MYO18B: variants seen among roughly 807,000 people sequenced by gnomAD.
MYO18B encodes unconventional myosin-XVIIIb.
A neutral mutation model predicts 273.0 loss-of-function variants in MYO18B; 204 were observed. That is an observed-to-expected ratio of 0.75 (90% CI 0.67 to 0.84). The LOEUF is 0.84. Among genes scored for constraint, MYO18B ranks in the 40% least tolerant of loss-of-function variants. MYO18B has a pLI of 0.00. For synonymous variants in MYO18B, 1,330 were observed against 1,305.7 expected (o/e 1.02, Z -0.40); for missense variants, 3,212 against 3,287.6 (o/e 0.98, Z 0.56).
intron 6 of MYO18B, among the ~76,000 whole-genome samples, chr22:25,771,689 A>G (rs1172992247): frequency 6.6e-6 from 1 of 152,196 alleles, no homozygotes; most frequent in Non-Finnish European, 1.5e-5. Flanking sequence ...GCCTTGCAAG[A>G]AAGGCTGATC....
intron 9 of MYO18B, among the ~76,000 whole-genome samples, chr22:25,781,313 G>A (rs144611922): frequency 5.9e-5 from 9 of 152,256 alleles, no homozygotes; most frequent in African/African-American, 2.2e-4. Flanking sequence ...ATGTTGTCTC[G>A]AAGAGTGGAT....
chr22:26,050,440 G>T, the MYO18B span, among the ~76,000 whole-genome samples: 3 of 152,302 alleles, frequency 2.0e-5, no homozygotes, highest in Admixed American at 6.5e-5. Flanking sequence ...TTTCAAGATT[G>T]CCTTCTGCAG....
chr22:25,977,022 G>C (rs1019031092), intron 39 of MYO18B, among the ~76,000 whole-genome samples: 7 of 152,184 alleles, frequency 4.6e-5, no homozygotes, highest in Admixed American at 3.3e-4. Flanking sequence ...TGGGCTGCAC[G>C]ATGCTCTGTA....
intron 39 of MYO18B, chr22:25,964,110 C>T (rs531360308): frequency 1.3e-5 from 2 of 152,340 alleles, no homozygotes; most frequent in East Asian, 1.9e-4. Context: ...GACTGGTCCT[C>T]CTCTATCAGA....
intron 35 of MYO18B, among the ~76,000 whole-genome samples, chr22:25,947,101 T>C (rs1435018943): frequency 6.6e-6 from 1 of 152,170 alleles, no homozygotes; most frequent in African/African-American, 2.4e-5. Flanking sequence ...TTGTTGGAAC[T>C]TGCCTACAAG....
intron 39 of MYO18B, among the ~76,000 whole-genome samples, chr22:25,966,312 C>G (rs751787056): frequency 1.3e-5 from 2 of 152,156 alleles, no homozygotes; most frequent in Non-Finnish European, 2.9e-5. Context: ...CCCATGTTTT[C>G]AAAAGTCCCC....
intron 42 of MYO18B, among the ~76,000 whole-genome samples, chr22:26,014,741 A>T (rs573286678): frequency 2.0e-5 from 3 of 152,230 alleles, no homozygotes; most frequent in Admixed American, 6.5e-5. Context: ...TTGACTTTTA[A>T]ATAATAGCCA....
At chr22:26,031,281 G>A (rs936289958), downstream of MYO18B, among the ~76,000 whole-genome samples, 1 of 152,108 alleles carries the variant, frequency 6.6e-6, no homozygotes, top group African/African-American at 2.4e-5. Flanking sequence ...CCCACCCGTG[G>A]GAGGGAATTC....
Position 26,020,587 on chromosome 22 carries a change from C to T in MYO18B, c.6471-5858C>T, listed in dbSNP as rs769883127. On this transcript the variant is annotated intron_variant, in intron 42 of 43. Coordinates refer to ENST00000335473, the MANE Select transcript of MYO18B (RefSeq NM_032608.7). ...TTATACTGTTATGTCAAAGGATTAA[C>T]TTTGAGATAAATAAGTCATGTATGG... Among the ~76,000 whole-genome samples the T allele has an allele frequency of 5.2e-4, 79 of 152,332 alleles. 1 individual carries two copies. The highest frequency in any genetic ancestry group is 5.1e-4 in the African/African-American group (21 of 41,582).
At chr22:25,823,779 G>A (rs2089380306) in intron 13 of MYO18B, 101 bp downstream of exon 13, 10 of 1,300,536 alleles carry the variant, frequency 7.7e-6, no homozygotes, top group Non-Finnish European at 1.1e-5. Context: ...GATTTGTTAA[G>A]GGCCTATGCT....
Position 25,761,113 on chromosome 22 carries a change from C to A in MYO18B, c.21C>A (p.Leu7=). The A allele has an allele frequency of 6.2e-7, 1 of 1,613,492 alleles. No individual in the cohort carries two copies. The highest frequency in any genetic ancestry group is 1.1e-5 in the South Asian group (1 of 91,086). ...TCAGCATGGCCATCTCATCACGCCT[C>A]GCCCTGTGGGAGCAGAAGGAAAGTG... MAISSR[L]ALWEQKIREE... The change falls in exon 2 of 44, where the codon CTC becomes CTA. Residue 7 remains leucine (L), a synonymous_variant. Coordinates refer to ENST00000335473, the MANE Select transcript of MYO18B (RefSeq NM_032608.7).
At chr22:25,795,356 T>C (rs778490895) in intron 11 of MYO18B, among the ~76,000 whole-genome samples, 10 of 152,202 alleles carry the variant, frequency 6.6e-5, no homozygotes, top group Non-Finnish European at 1.3e-4. Flanking sequence ...CAGAAACATA[T>C]ATATTTATTG....
chr22:25,876,129 T>G, intron 23 of MYO18B, 60 bp from the exon 24 acceptor site: 1 of 1,545,724 alleles, frequency 6.5e-7, no homozygotes, highest in Non-Finnish European at 8.8e-7. Context: ...CCTCCTCTCC[T>G]TCCTTTATCC....
rs181413595 is a variant in MYO18B at position 25,927,568 on chromosome 22, G to A, written c.5517+6159G>A. 1.5e-3 allele frequency among the ~76,000 whole-genome samples: 227 copies of A among 152,272 alleles called. 1 individual carries two copies. The highest frequency in any genetic ancestry group is 2.4e-3 in the Non-Finnish European group (166 of 68,036). ...CATTAGCAATTTTAATTTCGCCTCG[G>A]TCCTGTGGTCCTGTGATCTTGCCCT... is the stretch of plus-strand genomic sequence containing the variant. On this transcript the variant is annotated intron_variant, in intron 34 of 43. Coordinates refer to ENST00000335473, the MANE Select transcript of MYO18B (RefSeq NM_032608.7).
intron 11 of MYO18B, among the ~76,000 whole-genome samples, chr22:25,787,682 A>G (rs1235253316): frequency 2.6e-5 from 4 of 152,136 alleles, no homozygotes; most frequent in Non-Finnish European, 5.9e-5. Flanking sequence ...ACAAGCTGGA[A>G]TGAGAATGAA....
chr22:25,763,347 G>A lies in MYO18B; in HGVS notation c.156G>A (p.Ala52=), dbSNP rs750611108. The change falls in exon 3 of 44, where the codon GCG becomes GCA. Residue 52 remains alanine (A), a synonymous_variant. Transcript: ENST00000335473. ...GGACTGAAAAAGAGGCCAAGGAAGC[G>A]AGACAGAGGAAGCAGTTAGCTGTCG... ...VRGTEKEAKE[A]RQRKQLAVAS... 5.7e-5 allele frequency: 92 copies of A among 1,612,750 alleles called. 1 individual carries two copies. The highest frequency in any genetic ancestry group is 7.7e-5 in the Non-Finnish European group (91 of 1,179,676).
At chr22:25,810,943 T>G (rs1362812632) in intron 12 of MYO18B, among the ~76,000 whole-genome samples, 1 of 152,228 alleles carries the variant, frequency 6.6e-6, no homozygotes, top group Non-Finnish European at 1.5e-5. Flanking sequence ...TATAATGTCA[T>G]ATATCCGTTG....
At chr22:25,970,556 C>T (rs1297320210) in intron 39 of MYO18B, among the ~76,000 whole-genome samples, 1 of 152,120 alleles carries the variant, frequency 6.6e-6, no homozygotes, top group East Asian at 1.9e-4. Context: ...CGCCCGCCCG[C>T]TTGGATAATT....
At chr22:25,839,974 C>T (rs1222550010) in intron 17 of MYO18B, among the ~76,000 whole-genome samples, 2 of 152,218 alleles carry the variant, frequency 1.3e-5, no homozygotes, top group Non-Finnish European at 2.9e-5. Flanking sequence ...CCCCCTCCTT[C>T]AGCTCTCTGC....
Sources: gnomAD v4.1 joint callset for allele counts (sites outside exome capture counted in the v4.1 genomes callset) on GRCh38, gnomAD v4.1.1 for gene constraint, MANE v1.5 for transcripts, NCBI Gene and HGNC (gene_info 2026-07-23, HGNC 2026-07-21) for gene names.